Variants in ADGRL3 observed in about 807,000 individuals in gnomAD.
The protein encoded by ADGRL3 is adhesion G protein-coupled receptor L3.
In ADGRL3, 62 loss-of-function variants were observed where a neutral mutation model predicts 153.5. That is an observed-to-expected ratio of 0.40 (90% confidence interval 0.33 to 0.50). The LOEUF is 0.50. Among genes scored for constraint, ADGRL3 ranks in the 20% least tolerant of loss-of-function variants. ADGRL3 has a pLI of 0.47. For synonymous variants in ADGRL3, 710 were observed against 672.5 expected, an observed-to-expected ratio of 1.06 and a Z score of -0.86; for missense variants, 1,641 against 1,859.4, an observed-to-expected ratio of 0.88 and a Z score of 2.16.
intron 1 of ADGRL3, among the ~76,000 whole-genome samples, chr4:61,213,954 A>C (rs1000679766): frequency 6.6e-6 from 1 of 152,028 alleles, no homozygotes; most frequent in Non-Finnish European, 1.5e-5. Flanking sequence ...CAGATGCATC[A>C]TTGCCTTCTG....
intron 2 of ADGRL3, among the ~76,000 whole-genome samples, chr4:61,425,862 G>A (rs568539042): frequency 2.6e-4 from 39 of 152,366 alleles, no homozygotes; most frequent in African/African-American, 7.5e-4. Context: ...ATGGGCCTTC[G>A]AGAGTCCATG....
At chr4:61,402,535 A>G (rs560413745) in intron 2 of ADGRL3, among the ~76,000 whole-genome samples, 1 of 152,246 alleles carries the variant, frequency 6.6e-6, no homozygotes, top group East Asian at 1.9e-4. Context: ...GTTGGAGCAT[A>G]CATATCTCCT....
chr4:62,031,453 T>G lies in ADGRL3; in HGVS notation c.3434T>G (p.Ile1145Arg). 6.2e-7 allele frequency: 1 copy of G among 1,609,092 alleles called. No homozygotes were observed. The highest frequency in any genetic ancestry group is 8.5e-7 in the Non-Finnish European group (1 of 1,176,756). The stretch of plus-strand genomic sequence containing the variant: ...TCTTCTCTCTACAGGTCATGGGTTA[T>G]AGGTGCAATAGCTCTTCTCTGCCTA... ...DNRPFIKSWV[I>R]GAIALLCLLG... The change falls in exon 23 of 27, where the codon ATA becomes AGA. Residue 1145 changes from isoleucine to arginine, a missense_variant. By Grantham distance (97) the Ile-to-Arg change is moderately conservative (BLOSUM62 -3). Coordinates refer to ENST00000683033, the MANE Select transcript of ADGRL3 (RefSeq NM_001387552.1).
intron 6 of ADGRL3, among the ~76,000 whole-genome samples, chr4:61,695,148 G>A (rs920742569): frequency 1.8e-4 from 28 of 152,122 alleles, no homozygotes; most frequent in African/African-American, 6.8e-4. Flanking sequence ...AATCACAAAT[G>A]TTTATAACAG....
chr4:61,411,528 C>A (rs1238399827), intron 2 of ADGRL3, among the ~76,000 whole-genome samples: 1 of 152,114 alleles, frequency 6.6e-6, no homozygotes, highest in Non-Finnish European at 1.5e-5. Flanking sequence ...TTTTTCTTTG[C>A]CTAATATGTG....
intron 9 of ADGRL3, among the ~76,000 whole-genome samples, chr4:61,863,449 G>A (rs945128298): frequency 6.6e-6 from 1 of 151,578 alleles, no homozygotes; most frequent in South Asian, 2.1e-4. Context: ...GTTTTAGCCG[G>A]GATGGTCTCG....
intron 2 of ADGRL3, among the ~76,000 whole-genome samples, chr4:61,418,090 G>C (rs747748964): frequency 1.3e-5 from 2 of 152,124 alleles, no homozygotes; most frequent in Non-Finnish European, 2.9e-5. Context: ...TGGCTAGAGT[G>C]CCTGCCAGTT....
intron 3 of ADGRL3, among the ~76,000 whole-genome samples, chr4:61,509,345 C>A (rs1052598501): frequency 1.6e-4 from 25 of 152,156 alleles, no homozygotes; most frequent in Non-Finnish European, 2.9e-4. Flanking sequence ...CCAGGCTGGT[C>A]TTGAACTCCT....
At chr4:61,367,186 G>T (rs2096413556) in intron 1 of ADGRL3, among the ~76,000 whole-genome samples, 1 of 151,776 alleles carries the variant, frequency 6.6e-6, no homozygotes, top group Non-Finnish European at 1.5e-5. Context: ...GCAAATTTGG[G>T]ATGTACAAAA....
intron 11 of ADGRL3, among the ~76,000 whole-genome samples, chr4:61,908,367 C>T (rs200501501): frequency 4.6e-5 from 7 of 152,114 alleles, no homozygotes; most frequent in South Asian, 2.1e-4. Context: ...GAGGCCGAGA[C>T]GGGTAGATTG....
chr4:61,351,421 G>T (rs1317011691), intron 1 of ADGRL3, among the ~76,000 whole-genome samples: 1 of 152,200 alleles, frequency 6.6e-6, no homozygotes, highest in Non-Finnish European at 1.5e-5. Flanking sequence ...GATGAAGGTG[G>T]CTACACAAAA....
chr4:61,999,982 G>T lies in ADGRL3; in HGVS notation c.3395+1717G>T, dbSNP rs151192585. Among the ~76,000 whole-genome samples the T allele has an allele frequency of 2.6e-3, 394 of 151,890 alleles. 2 individuals carry two copies. The highest frequency in any genetic ancestry group is 7.8e-3 in the African/African-American group (323 of 41,462). ...AACTGTCCTTCTAAAGTACAGTGTT[G>T]GTTTCTTAGACTATTTGTTCCTGAT... is the stretch of plus-strand genomic sequence containing the variant. On this transcript the variant is annotated intron_variant, in intron 21 of 26. Transcript: ENST00000683033.
chr4:61,496,804 G>A (rs2098323999), intron 2 of ADGRL3, among the ~76,000 whole-genome samples: 1 of 149,646 alleles, frequency 6.7e-6, no homozygotes, highest in Non-Finnish European at 1.5e-5. Context: ...AGCCTGGCCT[G>A]GTGGTGGGCG....
chr4:61,372,081 C>G (rs1000939162), intron 1 of ADGRL3, among the ~76,000 whole-genome samples: 2 of 152,120 alleles, frequency 1.3e-5, no homozygotes, highest in Admixed American at 6.5e-5. Context: ...TCAGCTCCAT[C>G]AGCTCCTTTA....
At chr4:61,626,762 G>A (rs2092855334) in intron 5 of ADGRL3, among the ~76,000 whole-genome samples, 1 of 151,900 alleles carries the variant, frequency 6.6e-6, no homozygotes, top group Admixed American at 6.6e-5. Flanking sequence ...ATCCTCCTGA[G>A]TTCTACTATT....
At chr4:61,698,177 C>T (rs1163717591) in intron 6 of ADGRL3, among the ~76,000 whole-genome samples, 3 of 152,018 alleles carry the variant, frequency 2.0e-5, no homozygotes, top group Admixed American at 1.3e-4. Flanking sequence ...TGAGGCCGGG[C>T]GTGGTGGCTC....
intron 5 of ADGRL3, among the ~76,000 whole-genome samples, chr4:61,612,281 A>T (rs1212073427): frequency 6.6e-6 from 1 of 152,158 alleles, no homozygotes; most frequent in East Asian, 1.9e-4. Flanking sequence ...TGTGAATTTT[A>T]TCAAACGAAT....
intron 2 of ADGRL3, among the ~76,000 whole-genome samples, chr4:61,478,661 A>G (rs763599283): frequency 2.6e-5 from 4 of 152,036 alleles, no homozygotes; most frequent in Non-Finnish European, 4.4e-5. Flanking sequence ...TGTATGAAAT[A>G]AAGGGGATCA....
At chr4:61,951,668 C>T (rs900347461) in intron 17 of ADGRL3, among the ~76,000 whole-genome samples, 1 of 151,992 alleles carries the variant, frequency 6.6e-6, no homozygotes, top group African/African-American at 2.4e-5. Context: ...GAGTTTGAGA[C>T]CAGCCTCGGC....
Sources: gnomAD v4.1 joint callset for allele counts (sites outside exome capture counted in the v4.1 genomes callset) on GRCh38, gnomAD v4.1.1 for gene constraint, MANE v1.5 for transcripts, NCBI Gene and HGNC (gene_info 2026-07-23, HGNC 2026-07-21) for gene names.